The following MRAS variants were observed in gnomAD, a reference collection of about 807,000 sequenced individuals.
MRAS encodes the protein muscle RAS oncogene homolog, also known as ras-related protein M-Ras.
MRAS carries 4 observed loss-of-function variants against 20.9 expected under a neutral mutation model. The ratio of observed to expected loss-of-function variants is 0.19; its 90% CI spans 0.09 to 0.44. MRAS has a LOEUF of 0.44. Ranked by LOEUF, MRAS falls within the 20% of genes least tolerant of loss-of-function variation. MRAS has a pLI of 0.99. For synonymous variants in MRAS, 98 were observed against 102.9 expected, an observed-to-expected ratio of 0.95 and a Z score of 0.29; for missense variants, 154 against 277.5, an observed-to-expected ratio of 0.56 and a Z score of 3.16.
chr3:138,386,045 G>C (rs1245967850), intron 2 of MRAS, among the ~76,000 whole-genome samples: 1 of 152,018 alleles, frequency 6.6e-6, no homozygotes, highest in East Asian at 1.9e-4. Flanking sequence ...GGAGGGAGGT[G>C]GGTTGATTTT....
chr3:138,368,310 G>A (rs1226385786), intron 1 of MRAS, among the ~76,000 whole-genome samples: 1 of 152,126 alleles, frequency 6.6e-6, no homozygotes, highest in Non-Finnish European at 1.5e-5. Context: ...GTGTGTATAT[G>A]TGTGTGTGTG....
chr3:138,372,765 T>C, intron 1 of MRAS, 101 bp from the exon 2 acceptor site: 2 of 862,150 alleles, frequency 2.3e-6, no homozygotes, highest in Non-Finnish European at 3.3e-6. Context: ...CAAACCTCTT[T>C]ATAATTGAGA....
intron 2 of MRAS, among the ~76,000 whole-genome samples, chr3:138,382,415 A>T (rs1018289942): frequency 1.3e-5 from 2 of 152,234 alleles, no homozygotes; most frequent in Admixed American, 6.5e-5. Context: ...TCCTTGTGAC[A>T]ATTCTGTGAA....
At chr3:138,402,052 C>A (rs899252641) in intron 5 of MRAS, 118 bp from the exon 6 acceptor site, 3 of 929,810 alleles carry the variant, frequency 3.2e-6, no homozygotes, top group Non-Finnish European at 4.9e-6. Flanking sequence ...CCCCCTCACC[C>A]ACTAACCCCG....
At position 138,390,308 on chromosome 3, in the gene MRAS, T is replaced by C. The variant is rs116211494; in HGVS notation, c.194-7016T>C. Among the ~76,000 whole-genome samples, 994 of 152,248 alleles carry C rather than the reference T, an allele frequency of 6.5e-3. 7 individuals are homozygous for C. Among genetic ancestry groups the C allele is most frequent in the African/African-American group, 0.023 (953 of 41,542 alleles). On this transcript the variant is annotated intron_variant, in intron 2 of 5. Transcript: ENST00000423968. ...AAAGCTGCTGGGTCCCTTGATCCCT[T>C]GTCCTCAAGTGGGAGGATTGGAGCA...
At chr3:138,385,184 T>A (rs1381497290) in intron 2 of MRAS, among the ~76,000 whole-genome samples, 5 of 59,618 alleles carry the variant, frequency 8.4e-5, no homozygotes, top group East Asian at 6.9e-4. Flanking sequence ...TTTTTTTTTT[T>A]AAAGACAGGG....
chr3:138,384,176 C>A (rs1044263952), intron 2 of MRAS, among the ~76,000 whole-genome samples: 2 of 151,764 alleles, frequency 1.3e-5, no homozygotes, highest in Admixed American at 6.6e-5. Context: ...AAATGAGAAG[C>A]CATTGGAGGA....
At chr3:138,391,314 A>G (rs190533813) in intron 2 of MRAS, among the ~76,000 whole-genome samples, 110 of 152,312 alleles carry the variant, frequency 7.2e-4, no homozygotes, top group Admixed American at 4.2e-3. Context: ...TTGTCCTTCA[A>G]TTCTCAACTG....
chr3:138,359,395 T>A (rs188202090), intron 1 of MRAS, among the ~76,000 whole-genome samples: 1 of 152,264 alleles, frequency 6.6e-6, no homozygotes, highest in East Asian at 1.9e-4. Flanking sequence ...TCAGGAAGTT[T>A]CCCTTTTATT....
intron 2 of MRAS, among the ~76,000 whole-genome samples, chr3:138,373,445 T>TA (rs1263307999): frequency 6.6e-6 from 1 of 152,228 alleles, no homozygotes; most frequent in South Asian, 2.1e-4. Context: ...TACTTGGTAC[T>TA]TGTCCTTTGA....
At chr3:138,363,445 C>A (rs567800943) in intron 1 of MRAS, among the ~76,000 whole-genome samples, 2 of 152,240 alleles carry the variant, frequency 1.3e-5, no homozygotes, top group East Asian at 1.9e-4. Context: ...TTCCGCAGCA[C>A]CCCCAGGCTG....
intron 2 of MRAS, among the ~76,000 whole-genome samples, chr3:138,391,565 G>T (rs1383454933): frequency 1.3e-5 from 2 of 152,108 alleles, no homozygotes; most frequent in Non-Finnish European, 2.9e-5. Flanking sequence ...TTTGTTTTAT[G>T]CACAAAATTC....
intron 2 of MRAS, among the ~76,000 whole-genome samples, chr3:138,376,969 A>T (rs1047263938): frequency 6.6e-6 from 1 of 152,220 alleles, no homozygotes; most frequent in Non-Finnish European, 1.5e-5. Context: ...AGCCATATAA[A>T]CTTCTCTGAC....
chr3:138,381,208 A>G (rs936340961), intron 2 of MRAS, among the ~76,000 whole-genome samples: 3 of 152,226 alleles, frequency 2.0e-5, no homozygotes, highest in South Asian at 2.1e-4. Flanking sequence ...TGAGCATGGT[A>G]TATAAATATC....
chr3:138,388,025 C>T (rs891791560), intron 2 of MRAS, among the ~76,000 whole-genome samples: 13 of 152,236 alleles, frequency 8.5e-5, no homozygotes, highest in African/African-American at 3.1e-4. Flanking sequence ...AGGGACTCTT[C>T]CCTGTCACCA....
intron 1 of MRAS, among the ~76,000 whole-genome samples, chr3:138,372,311 T>C (rs1349625798): frequency 2.0e-5 from 3 of 152,120 alleles, no homozygotes; most frequent in Non-Finnish European, 4.4e-5. Context: ...ACTTTGTGTA[T>C]AATACAGGGC....
chr3:138,400,492 G>T, intron 4 of MRAS, 42 bp from the exon 5 acceptor site: 1 of 1,549,740 alleles, frequency 6.5e-7, no homozygotes, highest in Non-Finnish European at 8.9e-7. Flanking sequence ...GGGCTTTGAG[G>T]ATCTCTGTGC....
intron 1 of MRAS, among the ~76,000 whole-genome samples, chr3:138,356,626 C>G (rs1384008991): frequency 3.3e-5 from 5 of 152,190 alleles, no homozygotes; most frequent in African/African-American, 1.2e-4. Flanking sequence ...TTTATTATAA[C>G]CAGAGATGAT....
chr3:138,381,332 C>T (rs1300346823), intron 2 of MRAS, among the ~76,000 whole-genome samples: 4 of 152,184 alleles, frequency 2.6e-5, no homozygotes, highest in Non-Finnish European at 5.9e-5. Context: ...AACTGAGGTA[C>T]AGATGGAGAG....
Sources: gnomAD v4.1 joint callset for allele counts (sites outside exome capture counted in the v4.1 genomes callset) on GRCh38, gnomAD v4.1.1 for gene constraint, MANE v1.5 for transcripts, NCBI Gene and HGNC (gene_info 2026-07-23, HGNC 2026-07-21) for gene names.